Variants in ACTR3C observed in about 807,000 individuals in gnomAD.
ACTR3C encodes actin-related protein 3C.
In ACTR3C, 18 loss-of-function variants were observed where a neutral mutation model predicts 26.3. The observed-to-expected ratio is 0.68, with a 90% CI of 0.47 to 1.01. ACTR3C has a LOEUF of 1.01. Ranked by LOEUF, ACTR3C falls within the 50% of genes least tolerant of loss-of-function variation. The pLI is 0.00. For synonymous variants in ACTR3C, 55 were observed against 94.5 expected (o/e 0.58, Z 2.42); for missense variants, 184 against 250.7 (o/e 0.73, Z 1.80).
At chr7:150,126,208 A>G in the ACTR3C span, among the ~76,000 whole-genome samples, 1 of 152,208 alleles carries the variant, frequency 6.6e-6, no homozygotes, top group Admixed American at 6.5e-5. Context: ...CAAAAGAAAG[A>G]GGAATTGTGG....
the ACTR3C span, among the ~76,000 whole-genome samples, chr7:149,926,262 A>G: frequency 6.6e-6 from 1 of 152,244 alleles, no homozygotes; most frequent in East Asian, 1.9e-4. Context: ...TTAAGGGTTA[A>G]TATTCCCTAT....
At chr7:150,036,110 C>A in the ACTR3C span, among the ~76,000 whole-genome samples, 2 of 129,554 alleles carry the variant, frequency 1.5e-5, 1 homozygote, top group Non-Finnish European at 3.5e-5. Flanking sequence ...GTGCAAAGAG[C>A]CAGGGGGGGA....
the ACTR3C span, among the ~76,000 whole-genome samples, chr7:150,121,842 C>T: frequency 2.6e-5 from 4 of 152,106 alleles, no homozygotes; most frequent in Non-Finnish European, 5.9e-5. Flanking sequence ...TATAAGGCTA[C>T]AGTAACCAAA....
At chr7:150,023,334 C>CATAG in the ACTR3C span, among the ~76,000 whole-genome samples, 3 of 31,284 alleles carry the variant, frequency 9.6e-5, 1 homozygote, top group African/African-American at 1.6e-4. Flanking sequence ...TACATACATA[C>CATAG]ATACATATAT....
At chr7:150,097,727 G>T in the ACTR3C span, among the ~76,000 whole-genome samples, 1 of 151,566 alleles carries the variant, frequency 6.6e-6, no homozygotes, top group Admixed American at 6.6e-5. Context: ...AAGCGACACT[G>T]ACATTTCCAG....
At chr7:150,016,133 C>G in the ACTR3C span, among the ~76,000 whole-genome samples, 2 of 152,084 alleles carry the variant, frequency 1.3e-5, no homozygotes, top group African/African-American at 4.8e-5. Context: ...GCTACTCCAT[C>G]CTGCTCTCTG....
At chr7:150,072,896 G>A in the ACTR3C span, among the ~76,000 whole-genome samples, 3 of 152,022 alleles carry the variant, frequency 2.0e-5, no homozygotes, top group East Asian at 1.9e-4. Context: ...AGGGGAAGAA[G>A]GGACAAACCA....
chr7:149,947,993 A>G, the ACTR3C span, among the ~76,000 whole-genome samples: 1 of 151,264 alleles, frequency 6.6e-6, no homozygotes, highest in Non-Finnish European at 1.5e-5. Context: ...GTGCAAACCC[A>G]CATCACTTGT....
the ACTR3C span, among the ~76,000 whole-genome samples, chr7:150,204,342 A>G: frequency 6.8e-6 from 1 of 146,636 alleles, no homozygotes; most frequent in Admixed American, 6.7e-5. Context: ...ATAAGCCAGA[A>G]GTGAACTACA....
At chr7:150,244,378 A>G (rs1376080676), downstream of ACTR3C, 1 of 151,476 alleles carries the variant, frequency 6.6e-6, no homozygotes, top group Non-Finnish European at 1.5e-5. Flanking sequence ...GTAATACCCC[A>G]TTCATTGATA....
the ACTR3C span, among the ~76,000 whole-genome samples, chr7:150,199,648 AT>A: frequency 5.9e-5 from 8 of 136,510 alleles, no homozygotes; most frequent in South Asian, 4.5e-4. Flanking sequence ...ATAAAAAAAA[AT>A]AAATAAAAAA....
the ACTR3C span, among the ~76,000 whole-genome samples, chr7:149,949,205 C>T: frequency 0.048 from 6,800 of 141,436 alleles, 1,286 homozygotes; most frequent in African/African-American, 0.19. Context: ...CATATATACA[C>T]ACACACACAC....
the ACTR3C span, among the ~76,000 whole-genome samples, chr7:149,978,897 G>T: frequency 6.7e-6 from 1 of 149,736 alleles, no homozygotes; most frequent in East Asian, 1.9e-4. Context: ...GCCCTAAAGC[G>T]GACTGTTCGG....
chr7:150,311,085 G>C lies in ACTR3C; in HGVS notation c.-52+12384C>G, dbSNP rs553127505. On this transcript the variant is annotated intron_variant, in intron 1 of 7. Transcript: ENST00000683684. The stretch of plus-strand genomic sequence containing the variant: ...CTTGCAACTCTGGGTACCAAACTTT[G>C]TCATTCTAACCAAACTGCTTTACAA... 2.1e-4 allele frequency among the ~76,000 whole-genome samples: 32 copies of C among 152,166 alleles called. 1 individual carries two copies. Among genetic ancestry groups the C allele is most frequent in the African/African-American group, 7.7e-4 (32 of 41,508 alleles).
At chr7:150,020,906 C>T in the ACTR3C span, among the ~76,000 whole-genome samples, 1 of 152,000 alleles carries the variant, frequency 6.6e-6, no homozygotes, top group Non-Finnish European at 1.5e-5. Flanking sequence ...CTGCAACCTC[C>T]GCCTCCCAGG....
chr7:150,298,974 C>CTT (rs550994860), intron 1 of ACTR3C, among the ~76,000 whole-genome samples: 881 of 82,500 alleles, frequency 0.011, no homozygotes, highest in Non-Finnish European at 0.015. Flanking sequence ...GTAATGAAAA[C>CTT]TTTTTTTTTT....
At chr7:150,322,699 C>T (rs1416112104) in intron 1 of ACTR3C, 1 of 152,212 alleles carries the variant, frequency 6.6e-6, no homozygotes, top group African/African-American at 2.4e-5. Context: ...ATGGAGTAGC[C>T]ATCCTTTTAC....
intron 1 of ACTR3C, among the ~76,000 whole-genome samples, chr7:150,303,809 G>A (rs1391862178): frequency 6.6e-6 from 1 of 152,240 alleles, no homozygotes; most frequent in South Asian, 2.1e-4. Context: ...GTCAAGTGCA[G>A]CAGTGAGAAG....
the ACTR3C span, among the ~76,000 whole-genome samples, chr7:149,980,217 G>T: frequency 6.6e-6 from 1 of 152,194 alleles, no homozygotes; most frequent in Non-Finnish European, 1.5e-5. Flanking sequence ...ATGTAAAAGA[G>T]GGTTGAGATG....
Sources: allele counts gnomAD v4.1 joint callset (sites outside exome capture counted in the v4.1 genomes callset), GRCh38; gene constraint gnomAD v4.1.1; transcripts MANE v1.5; gene names NCBI Gene and HGNC (gene_info 2026-07-23, HGNC 2026-07-21).